Variants in AP3S1 observed in about 807,000 individuals in gnomAD.
AP3S1 encodes the protein AP-3 complex subunit sigma-1.
AP3S1 carries 12 observed loss-of-function variants against 21.3 expected under a neutral mutation model. The observed-to-expected ratio is 0.56, with a 90% CI of 0.36 to 0.91. The LOEUF (loss-of-function observed/expected upper bound fraction) is 0.91. Ranked by LOEUF, AP3S1 falls within the 40% of genes least tolerant of loss-of-function variation. AP3S1 has a pLI of 0.01. For missense variants in AP3S1, 116 were observed against 225.0 expected (o/e 0.52, Z 3.10); for synonymous variants, 48 against 78.4 (o/e 0.61, Z 2.05).
At chr5:115,910,403 G>C (rs575234807) in intron 5 of AP3S1, among the ~76,000 whole-genome samples, 5 of 152,060 alleles carry the variant, frequency 3.3e-5, no homozygotes, top group Non-Finnish European at 5.9e-5. Flanking sequence ...GGTAAGGGGG[G>C]ACTACTGTAC....
intron 3 of AP3S1, among the ~76,000 whole-genome samples, chr5:115,883,728 C>T (rs1236100672): frequency 6.6e-6 from 1 of 152,180 alleles, no homozygotes; most frequent in Non-Finnish European, 1.5e-5. Context: ...ATACCATATT[C>T]AACTATAGGT....
chr5:115,842,959 G>T (rs1293707230), intron 1 of AP3S1, among the ~76,000 whole-genome samples: 2 of 147,468 alleles, frequency 1.4e-5, no homozygotes, highest in African/African-American at 5.3e-5. Flanking sequence ...TTCTATTTAT[G>T]AAGAATAGTA....
At chr5:115,889,876 G>C (rs1401685080) in intron 3 of AP3S1, among the ~76,000 whole-genome samples, 1 of 152,054 alleles carries the variant, frequency 6.6e-6, no homozygotes, top group Non-Finnish European at 1.5e-5. Context: ...TATGAAAATA[G>C]ATATCTAAAT....
At chr5:115,906,311 C>T (rs1428744423) in intron 5 of AP3S1, among the ~76,000 whole-genome samples, 1 of 151,980 alleles carries the variant, frequency 6.6e-6, no homozygotes, top group Non-Finnish European at 1.5e-5. Context: ...TGAGACACAG[C>T]TTTTTAAACA....
intron 3 of AP3S1, among the ~76,000 whole-genome samples, chr5:115,882,802 C>T (rs952529760): frequency 6.6e-6 from 1 of 152,182 alleles, no homozygotes; most frequent in Non-Finnish European, 1.5e-5. Flanking sequence ...GTGCTCACAG[C>T]CACCCCTTCC....
At chr5:115,864,781 A>G (rs1379186856) in intron 1 of AP3S1, among the ~76,000 whole-genome samples, 2 of 152,226 alleles carry the variant, frequency 1.3e-5, no homozygotes, top group African/African-American at 4.8e-5. Context: ...CAGAGTAATT[A>G]GCAGAACACA....
intron 1 of AP3S1, among the ~76,000 whole-genome samples, chr5:115,845,502 A>G (rs1172503949): frequency 1.3e-5 from 2 of 152,176 alleles, no homozygotes; most frequent in East Asian, 3.8e-4. Flanking sequence ...TTTGCTAAAC[A>G]GAAGTTTTGG....
At chr5:115,854,231 A>G (rs1762640600) in intron 1 of AP3S1, among the ~76,000 whole-genome samples, 1 of 152,146 alleles carries the variant, frequency 6.6e-6, no homozygotes, top group Non-Finnish European at 1.5e-5. Context: ...TGCGTTGGAG[A>G]TTAAATTTCC....
intron 1 of AP3S1, among the ~76,000 whole-genome samples, chr5:115,847,758 A>G (rs905256721): frequency 1.3e-5 from 2 of 152,258 alleles, no homozygotes; most frequent in African/African-American, 2.4e-5. Flanking sequence ...GTCTATCACC[A>G]CTATTCCCTC....
intron 1 of AP3S1, among the ~76,000 whole-genome samples, chr5:115,851,608 G>T (rs1762443677): frequency 6.6e-6 from 1 of 152,024 alleles, no homozygotes; most frequent in African/African-American, 2.4e-5. Context: ...TTGACCATTT[G>T]TATGTCTTTG....
intron 4 of AP3S1, 137 bp from the exon 5 acceptor site, chr5:115,902,748 A>C: frequency 1.8e-6 from 1 of 555,548 alleles, no homozygotes; most frequent in Non-Finnish European, 3.1e-6. Flanking sequence ...AAAGTGGATT[A>C]TGAGCCCTTA....
chr5:115,850,116 C>A (rs370008936), intron 1 of AP3S1, among the ~76,000 whole-genome samples: 212 of 152,256 alleles, frequency 1.4e-3, no homozygotes, highest in African/African-American at 4.7e-3. Context: ...AAAGCATTTA[C>A]ATTTTTCCAC....
At chr5:115,911,581 C>A (rs144729631) in intron 5 of AP3S1, among the ~76,000 whole-genome samples, 1 of 152,112 alleles carries the variant, frequency 6.6e-6, no homozygotes, top group African/African-American at 2.4e-5. Context: ...GTAAATTTTT[C>A]TTCCTTAGTA....
intron 1 of AP3S1, among the ~76,000 whole-genome samples, chr5:115,857,237 G>A (rs912272832): frequency 6.6e-6 from 1 of 152,184 alleles, no homozygotes; most frequent in Admixed American, 6.5e-5. Context: ...TGACTTTTCA[G>A]ATAAGGCCCA....
intron 3 of AP3S1, among the ~76,000 whole-genome samples, chr5:115,887,802 A>G (rs1029241830): frequency 6.6e-6 from 1 of 152,118 alleles, no homozygotes; most frequent in African/African-American, 2.4e-5. Flanking sequence ...CTTGAGTACT[A>G]ACTACAAAGC....
intron 5 of AP3S1, among the ~76,000 whole-genome samples, chr5:115,906,545 A>C (rs1040246081): frequency 6.6e-6 from 1 of 151,954 alleles, no homozygotes; most frequent in Admixed American, 6.6e-5. Flanking sequence ...TTACTATAAC[A>C]TTGGAATATT....
intron 5 of AP3S1, among the ~76,000 whole-genome samples, chr5:115,908,646 T>G (rs1392308003): frequency 1.3e-5 from 2 of 152,194 alleles, no homozygotes; most frequent in African/African-American, 4.8e-5. Flanking sequence ...ACAAAATGAC[T>G]AATAATTTGG....
At chr5:115,853,789 TAG>T (rs1181465276) in intron 1 of AP3S1, among the ~76,000 whole-genome samples, 1 of 152,216 alleles carries the variant, frequency 6.6e-6, no homozygotes, top group African/African-American at 2.4e-5. Context: ...TTGGAGTTCT[TAG>T]ACCTTCCAGC....
intron 1 of AP3S1, among the ~76,000 whole-genome samples, chr5:115,849,805 C>G (rs371680383): frequency 1.4e-3 from 212 of 152,130 alleles, no homozygotes; most frequent in African/African-American, 4.7e-3. Flanking sequence ...TGCCTATAGT[C>G]CCAGCTACTT....
Sources: allele counts gnomAD v4.1 joint callset (sites outside exome capture counted in the v4.1 genomes callset), GRCh38; gene constraint gnomAD v4.1.1; transcripts MANE v1.5; gene names NCBI Gene and HGNC (gene_info 2026-07-23, HGNC 2026-07-21).